Variants in ZBTB49 observed in about 807,000 individuals in gnomAD.
ZBTB49 encodes zinc finger and BTB domain-containing protein 49.
A neutral mutation model predicts 57.5 loss-of-function variants in ZBTB49; 43 were observed. The ratio of observed to expected loss-of-function variants is 0.75; its 90% CI spans 0.59 to 0.97. The LOEUF (loss-of-function observed/expected upper bound fraction) is 0.97. ZBTB49 is among the 50% of genes least tolerant of loss of function. The pLI is 0.00. For missense variants in ZBTB49, 938 were observed against 947.7 expected, an observed-to-expected ratio of 0.99 and a Z score of 0.13; for synonymous variants, 369 against 362.1, an observed-to-expected ratio of 1.02 and a Z score of -0.22.
chr4:4,302,369 C>T lies in ZBTB49; in HGVS notation c.533C>T (p.Ser178Leu), dbSNP rs760592814. 3.2e-5 allele frequency: 52 copies of T among 1,614,134 alleles called. 1 individual carries two copies. The South Asian group carries it at 5.5e-4, about 17-fold the overall frequency. Residue 178 changes from serine (S) to leucine (L), a missense_variant, in exon 3 of 8, where the codon TCA becomes TTA. This residue lies in a region of ZBTB49 where 835 missense variants were observed against 819.1 expected (regional missense o/e 1.02). Coordinates refer to ENST00000337872, the MANE Select transcript of ZBTB49 (RefSeq NM_145291.4). ...KTLDESHPHA[S>L]PSVNRHHSAG... ...TTGGATGAATCGCATCCGCATGCTT[C>T]ACCATCAGTTAATCGTCATCACTCC...
intron 3 of ZBTB49, 130 bp from the exon 4 acceptor site, chr4:4,306,008 C>T (rs1720718687): frequency 1.5e-6 from 1 of 660,240 alleles, no homozygotes; most frequent in South Asian, 1.9e-5. Context: ...AGTAGACACT[C>T]CCTATTTTCA....
At chr4:4,290,918 T>C (rs998325969) in intron 1 of ZBTB49, among the ~76,000 whole-genome samples, 3 of 152,246 alleles carry the variant, frequency 2.0e-5, no homozygotes, top group African/African-American at 4.8e-5. Context: ...CTTAGACTAG[T>C]GGCTGCCACT....
chr4:4,297,731 A>T (rs1318734156), intron 1 of ZBTB49, among the ~76,000 whole-genome samples: 1 of 150,460 alleles, frequency 6.6e-6, no homozygotes, highest in Non-Finnish European at 1.5e-5. Flanking sequence ...CTCTAATCAC[A>T]TCACTGCACT....
At chr4:4,314,035 G>A (rs144343532) in intron 5 of ZBTB49, among the ~76,000 whole-genome samples, 4 of 152,244 alleles carry the variant, frequency 2.6e-5, no homozygotes, top group African/African-American at 9.6e-5. Context: ...AGAAGTCAGT[G>A]TCCTCATATT....
chr4:4,314,095 C>T (rs1721091027), intron 5 of ZBTB49, among the ~76,000 whole-genome samples: 2 of 152,220 alleles, frequency 1.3e-5, no homozygotes, highest in Non-Finnish European at 2.9e-5. Context: ...ACTCTCGATT[C>T]AGTTTCAGGA....
At chr4:4,314,806 G>A (rs2920203) in intron 5 of ZBTB49, among the ~76,000 whole-genome samples, 63,501 of 152,084 alleles carry the variant, frequency 0.42, 13,386 homozygotes, top group Admixed American at 0.48. Context: ...ATTGTCTAAG[G>A]CAAGTTAGTA....
chr4:4,317,235 C>T (rs1237991030), intron 7 of ZBTB49, among the ~76,000 whole-genome samples: 1 of 152,190 alleles, frequency 6.6e-6, no homozygotes, highest in Non-Finnish European at 1.5e-5. Flanking sequence ...CTCACTAACC[C>T]TGGTTTCACA....
chr4:4,313,389 A>G (rs1265523740), intron 5 of ZBTB49, among the ~76,000 whole-genome samples: 2 of 152,228 alleles, frequency 1.3e-5, no homozygotes, highest in Non-Finnish European at 2.9e-5. Context: ...TTATACTAAT[A>G]TTTTCATTCA....
chr4:4,307,576 A>C (rs1473653153), intron 4 of ZBTB49, among the ~76,000 whole-genome samples: 2 of 152,324 alleles, frequency 1.3e-5, no homozygotes, highest in African/African-American at 4.8e-5. Context: ...CCTGGCACAT[A>C]GTAAGCGCTC....
At chr4:4,296,750 TA>T (rs1720222043) in intron 1 of ZBTB49, among the ~76,000 whole-genome samples, 1 of 152,204 alleles carries the variant, frequency 6.6e-6, no homozygotes, top group African/African-American at 2.4e-5. Flanking sequence ...CTGTGATGAC[TA>T]GAGGAACCTA....
At chr4:4,296,359 T>G (rs986517373) in intron 1 of ZBTB49, among the ~76,000 whole-genome samples, 1 of 152,256 alleles carries the variant, frequency 6.6e-6, no homozygotes, top group Admixed American at 6.5e-5. Flanking sequence ...CCACAATCCC[T>G]GCATGTCATG....
At chr4:4,306,028 G>C in intron 3 of ZBTB49, 110 bp from the exon 4 acceptor site, 2 of 786,232 alleles carry the variant, frequency 2.5e-6, no homozygotes, top group Non-Finnish European at 4.3e-6. Context: ...ATACTGTTAG[G>C]ATGCAGAATG....
chr4:4,314,216 T>A (rs1189541533), intron 5 of ZBTB49, among the ~76,000 whole-genome samples: 3 of 152,248 alleles, frequency 2.0e-5, no homozygotes, highest in Non-Finnish European at 4.4e-5. Context: ...GGGCCCAGTG[T>A]CATCTGCCGC....
chr4:4,298,242 A>G (rs2920248), intron 1 of ZBTB49, among the ~76,000 whole-genome samples: 38,039 of 152,084 alleles, frequency 0.25, 5,268 homozygotes, highest in Admixed American at 0.32. Context: ...GGGAGCTGCT[A>G]GTAGTTCACT....
rs557229543 is a variant in ZBTB49 at position 4,308,378 on chromosome 4, C to T, written c.1302+2194C>T. On this transcript the variant is annotated intron_variant, in intron 4 of 7. Coordinates refer to ENST00000337872, the MANE Select transcript of ZBTB49 (RefSeq NM_145291.4). ...AGGCGTGAGCCACCGTGCCCAGCCA[C>T]GTATCAGTATTTTTAAAAATTCAGC... Among the ~76,000 whole-genome samples the T allele has an allele frequency of 2.4e-3, 358 of 152,264 alleles. 3 individuals are homozygous for T. Among genetic ancestry groups the T allele is most frequent in the African/African-American group, 8.2e-3 (342 of 41,546 alleles).
chr4:4,304,344 G>A (rs1720648645), intron 3 of ZBTB49, among the ~76,000 whole-genome samples: 1 of 151,648 alleles, frequency 6.6e-6, no homozygotes, highest in African/African-American at 2.4e-5. Context: ...TCCTGCCTGA[G>A]CCTCCCGAGT....
At chr4:4,316,770 G>A (rs549959162) in intron 7 of ZBTB49, among the ~76,000 whole-genome samples, 16 of 152,280 alleles carry the variant, frequency 1.1e-4, no homozygotes, top group Non-Finnish European at 1.9e-4. Context: ...GAGGAAACTC[G>A]GTTTTTGTCC....
chr4:4,313,127 C>T lies in ZBTB49; in HGVS notation c.1376+13C>T, dbSNP rs556257859. The T allele has an allele frequency of 2.5e-5, 41 of 1,613,630 alleles. No homozygotes were observed. Among genetic ancestry groups the T allele is most frequent in the South Asian group, 5.5e-5 (5 of 90,994 alleles). ...TCTGTGGAAAGAGGTCAGTGCTGGG[C>T]GTGTTCTTCCGTGTGGAAGGGAGCA... On this transcript the variant is annotated intron_variant, in intron 5 of 7. Coordinates refer to ENST00000337872, the MANE Select transcript of ZBTB49 (RefSeq NM_145291.4).
At position 4,321,016 on chromosome 4, in the gene ZBTB49, C is replaced by G; in HGVS notation, c.1998C>G (p.Asp666Glu). The stretch of plus-strand genomic sequence containing the variant: ...TGATCCAACCTCATGGAGTTAGTGA[C>G]CAGGAGAAGCTGAGTTTGGATCCTG... ...RSMIQPHGVS[D>E]QEKLSLDPGK... is the part of the protein sequence containing the mutation. The change falls in exon 8 of 8, where the codon GAC (aspartate) becomes GAG (glutamate). Residue 666 changes from aspartate to glutamate, a missense_variant. Asp to Glu is a conservative substitution (Grantham distance 45). This residue lies in a region of ZBTB49 where 835 missense variants were observed against 819.1 expected (regional missense o/e 1.02). Coordinates refer to ENST00000337872, the MANE Select transcript of ZBTB49 (RefSeq NM_145291.4). The G allele has an allele frequency of 6.2e-7, 1 of 1,614,162 alleles. No individual in the cohort carries two copies. Among genetic ancestry groups the G allele is most frequent in the Non-Finnish European group, 8.5e-7 (1 of 1,180,032 alleles).
Sources: gnomAD v4.1 joint callset for allele counts (sites outside exome capture counted in the v4.1 genomes callset) on GRCh38, gnomAD v4.1.1 for gene constraint, gnomAD v4.1.1 regional missense constraint, MANE v1.5 for transcripts, NCBI Gene and HGNC (gene_info 2026-07-23, HGNC 2026-07-21) for gene names.